Variants in ZNF236 observed in about 807,000 individuals in gnomAD.
The protein encoded by ZNF236 is regulated by glucose.
Under a neutral mutation model 191.2 loss-of-function variants are expected in ZNF236, and 50 were observed. That is an observed-to-expected ratio of 0.26 (90% CI 0.21 to 0.33). ZNF236 has a LOEUF of 0.33. Among genes scored for constraint, ZNF236 ranks in the 10% least tolerant of loss-of-function variants. ZNF236 has a pLI of 1.00. For synonymous variants in ZNF236, 907 were observed against 928.8 expected (o/e 0.98, Z 0.43); for missense variants, 1,754 against 2,374.5 (o/e 0.74, Z 5.43).
intron 3 of ZNF236, among the ~76,000 whole-genome samples, chr18:76,858,340 A>G (rs1976109909): frequency 6.6e-6 from 1 of 152,214 alleles, no homozygotes; most frequent in Non-Finnish European, 1.5e-5. Context: ...ACCAATTGAT[A>G]AATTTGCCAG....
chr18:76,908,558 C>T lies in ZNF236; in HGVS notation c.2536C>T (p.Leu846=). Reference sequence around the variant, plus strand: ...GGGCCAGCAGTTGGCAGATCAGCCCCTGGAAGCAGATGAAGGTAAATGTTT... The same window carrying T: ...GGGCCAGCAGTTGGCAGATCAGCCCTTGGAAGCAGATGAAGGTAAATGTTT... ...GLGQQLADQP[L]EADEDGFVAP... The change falls in exon 14 of 31, where the codon CTG becomes TTG. Residue 846 remains leucine (L), a synonymous_variant. Transcript: ENST00000320610. The T allele has an allele frequency of 2.5e-6, 4 of 1,607,740 alleles. No homozygotes were observed. Among genetic ancestry groups the T allele is most frequent in the Non-Finnish European group, 8.5e-7 (1 of 1,177,018 alleles).
intron 3 of ZNF236, among the ~76,000 whole-genome samples, chr18:76,865,338 A>C (rs1357786301): frequency 6.6e-6 from 1 of 152,214 alleles, no homozygotes; most frequent in Non-Finnish European, 1.5e-5. Context: ...ACTCCATCAA[A>C]AAACAAAAAA....
At chr18:76,891,737 C>G (rs747802568) in intron 9 of ZNF236, among the ~76,000 whole-genome samples, 5 of 151,910 alleles carry the variant, frequency 3.3e-5, no homozygotes, top group Non-Finnish European at 4.4e-5. Context: ...GGTGGCCACC[C>G]AGATGTGCAA....
At chr18:76,826,226 C>T (rs1027268019) in intron 1 of ZNF236, among the ~76,000 whole-genome samples, 6 of 151,676 alleles carry the variant, frequency 4.0e-5, no homozygotes, top group Non-Finnish European at 8.8e-5. Flanking sequence ...ATTCTCCTGC[C>T]TCAGCCTCCC....
chr18:76,849,278 G>C (rs1975788795), intron 1 of ZNF236: 1 of 372,394 alleles, frequency 2.7e-6, no homozygotes, highest in Non-Finnish European at 4.8e-6. Flanking sequence ...TTTAGTTTAA[G>C]CTTCTGAAAA....
At chr18:76,910,227 T>A (rs946367505) in intron 15 of ZNF236, 58 bp downstream of exon 15, 1 of 1,417,216 alleles carries the variant, frequency 7.1e-7, no homozygotes, top group African/African-American at 1.4e-5. Flanking sequence ...TTGAATTTAA[T>A]CTCATGACAA....
At chr18:76,907,710 T>G (rs74599526) in intron 13 of ZNF236, among the ~76,000 whole-genome samples, 1 of 151,870 alleles carries the variant, frequency 6.6e-6, no homozygotes, top group African/African-American at 2.4e-5. Context: ...TTTTTTTTTT[T>G]CAAGTTCTCA....
intron 7 of ZNF236, among the ~76,000 whole-genome samples, chr18:76,879,903 T>C (rs1976830380): frequency 6.6e-6 from 1 of 152,104 alleles, no homozygotes; most frequent in African/African-American, 2.4e-5. Flanking sequence ...CTGTACAAAA[T>C]TGCATTAGAA....
intron 1 of ZNF236, among the ~76,000 whole-genome samples, chr18:76,826,476 G>A (rs1477977972): frequency 1.3e-5 from 2 of 151,556 alleles, no homozygotes; most frequent in African/African-American, 2.4e-5. Context: ...GTTGGGAACT[G>A]GATCTCCATT....
intron 1 of ZNF236, among the ~76,000 whole-genome samples, chr18:76,835,915 CT>C (rs565820782): frequency 5.7e-4 from 85 of 149,312 alleles, no homozygotes; most frequent in Middle Eastern, 3.4e-3. Flanking sequence ...TTTATACATT[CT>C]TTTTTTTTTG....
intron 1 of ZNF236, among the ~76,000 whole-genome samples, chr18:76,823,568 C>T (rs1974928690): frequency 6.6e-6 from 1 of 152,194 alleles, no homozygotes; most frequent in African/African-American, 2.4e-5. Context: ...GAAGTGTTTT[C>T]CCCAGTAATT....
intron 3 of ZNF236, among the ~76,000 whole-genome samples, chr18:76,862,713 C>G (rs1186038764): frequency 9.9e-5 from 15 of 152,202 alleles, no homozygotes. Context: ...TGCTTTCCTC[C>G]CACTGCGGTC....
chr18:76,954,604 C>T (rs1198185348), intron 27 of ZNF236, among the ~76,000 whole-genome samples: 1 of 152,222 alleles, frequency 6.6e-6, no homozygotes, highest in Non-Finnish European at 1.5e-5. Flanking sequence ...TAGACACACA[C>T]CTGACACAGG....
chr18:76,917,760 CCTT>C (rs1436200005), intron 19 of ZNF236, among the ~76,000 whole-genome samples: 5 of 152,144 alleles, frequency 3.3e-5, no homozygotes, highest in Non-Finnish European at 5.9e-5. Context: ...AGAGTTACCT[CCTT>C]ATTTCCTCAT....
At chr18:76,871,033 T>C (rs1285785021) in intron 4 of ZNF236, among the ~76,000 whole-genome samples, 1 of 152,058 alleles carries the variant, frequency 6.6e-6, no homozygotes, top group African/African-American at 2.4e-5. Flanking sequence ...GAGGCCGCAA[T>C]GGTGGCTAGA....
intron 7 of ZNF236, 58 bp downstream of exon 7, chr18:76,878,210 T>C: frequency 1.3e-6 from 2 of 1,508,690 alleles, no homozygotes; most frequent in Admixed American, 1.9e-5. Flanking sequence ...ATTTTAAATA[T>C]GACCTTTACA....
Position 76,968,578 on chromosome 18 carries a change from G to A in ZNF236, c.*239G>A. ...TCACTGAACTCAGGTACTACTGTAG[G>A]CAGTTTCCTCCTCAGTCTCCTCCGT... On this transcript the variant is annotated 3_prime_UTR_variant, in exon 31 of 31. Coordinates refer to ENST00000320610, the MANE Select transcript of ZNF236 (RefSeq NM_001306089.2). The A allele has an allele frequency of 5.5e-6, 7 of 1,275,624 alleles. No individual in the cohort carries two copies. Among genetic ancestry groups the A allele is most frequent in the Non-Finnish European group, 6.9e-6 (7 of 1,014,240 alleles). The allele number at this position is 1,275,624 out of a possible 1,614,324, so 79.0% of individuals were successfully genotyped here.
At chr18:76,838,951 A>G (rs900038298) in intron 1 of ZNF236, among the ~76,000 whole-genome samples, 1 of 152,150 alleles carries the variant, frequency 6.6e-6, no homozygotes, top group Non-Finnish European at 1.5e-5. Context: ...AGTTTTGCCT[A>G]TTTGTTTAAC....
chr18:76,959,745 T>A lies in ZNF236; in HGVS notation c.5171T>A (p.Phe1724Tyr). ...PSLSSQKPRV[F>Y]KCDTCEKAFA... ...TTGAGCTCCCAGAAGCCAAGAGTGT[T>A]TAAATGTGACACTTGTGAGAAGGCA... Residue 1724 changes from phenylalanine to tyrosine, a missense_variant, in exon 29 of 31, where the codon TTT (phenylalanine) becomes TAT (tyrosine). Coordinates refer to ENST00000320610, the MANE Select transcript of ZNF236 (RefSeq NM_001306089.2). 1 of 1,614,066 alleles carries A rather than the reference T, an allele frequency of 6.2e-7. No individual in the cohort carries two copies. The highest frequency in any genetic ancestry group is 8.5e-7 in the Non-Finnish European group (1 of 1,179,984).
Sources: allele counts gnomAD v4.1 joint callset (sites outside exome capture counted in the v4.1 genomes callset), GRCh38; gene constraint gnomAD v4.1.1; transcripts MANE v1.5; gene names NCBI Gene and HGNC (gene_info 2026-07-23, HGNC 2026-07-21).